KLHL3: variants seen among roughly 807,000 people sequenced by gnomAD.
The protein encoded by KLHL3 is kelch-like protein 3.
In KLHL3, 19 loss-of-function variants were observed where a neutral mutation model predicts 70.5. That is an observed-to-expected ratio of 0.27 (90% CI 0.19 to 0.40). The LOEUF is 0.40. KLHL3 is among the 10% of genes least tolerant of loss of function. KLHL3 has a pLI of 1.00. For missense variants in KLHL3, 512 were observed against 771.1 expected (o/e 0.66, Z 3.98); for synonymous variants, 258 against 290.3 (o/e 0.89, Z 1.13).
chr5:137,677,292 C>CA (rs1751907310), intron 6 of KLHL3: 3 of 294,132 alleles, frequency 1.0e-5, no homozygotes, highest in Non-Finnish European at 1.9e-5. Flanking sequence ...ACTGAAAATA[C>CA]AAAAAATTAG....
At chr5:137,726,691 A>G (rs971213026) in intron 1 of KLHL3, among the ~76,000 whole-genome samples, 2 of 152,102 alleles carry the variant, frequency 1.3e-5, no homozygotes, top group Non-Finnish European at 2.9e-5. Context: ...GGCAAGGAAC[A>G]TGTGTCTGAG....
Position 137,694,980 on chromosome 5 carries a change from G to A in KLHL3, c.364-2533C>T, listed in dbSNP as rs1172217715. On this transcript the variant is annotated intron_variant, in intron 4 of 14. Transcript: ENST00000309755. ...CCACCCACCATCCAAGAGGATTTCT[G>A]AGAGTCCAATCTGCCCTCAGACTGC... Among the ~76,000 whole-genome samples, 6 of 152,060 alleles carry A rather than the reference G, an allele frequency of 3.9e-5. No individual in the cohort carries two copies. In the South Asian group the frequency reaches 1.2e-3, roughly 32 times the overall value.
In KLHL3 at chr5:137,618,232, C is replaced by T. The variant is rs1756280158; in HGVS notation, c.*3866G>A. 1 of 152,584 alleles carries T rather than the reference C, an allele frequency of 6.6e-6. No individual in the cohort carries two copies. Among genetic ancestry groups the T allele is most frequent in the Non-Finnish European group, 1.5e-5 (1 of 68,038 alleles). The allele number at this position is 152,584 out of a possible 1,614,324, so 9.5% of individuals were successfully genotyped here. A position where few individuals can be genotyped will look rare whatever the true frequency, so the allele number is the denominator to read the frequency against. ...TCCAGGCAAACAGAGCCTTTAAAAA[C>T]TCCAACTAACTGGAATATGAGTTTG... On this transcript the variant is annotated 3_prime_UTR_variant, in exon 15 of 15. Transcript: ENST00000309755.
At chr5:137,649,741 T>C (rs962862161) in intron 8 of KLHL3, among the ~76,000 whole-genome samples, 12 of 152,252 alleles carry the variant, frequency 7.9e-5, no homozygotes, top group Non-Finnish European at 5.9e-5. Context: ...GAAAATCCTA[T>C]GAGATAACAA....
intron 4 of KLHL3, among the ~76,000 whole-genome samples, chr5:137,696,053 T>C (rs1411525727): frequency 6.6e-6 from 1 of 152,208 alleles, no homozygotes; most frequent in African/African-American, 2.4e-5. Flanking sequence ...CCCTCCATTT[T>C]TCATGTGCAG....
chr5:137,692,226 AG>A, intron 5 of KLHL3, 58 bp downstream of exon 5: 1 of 1,481,458 alleles, frequency 6.8e-7, no homozygotes, highest in East Asian at 2.4e-5. Flanking sequence ...AGTCTGCAGA[AG>A]ACCAGGTGAT....
intron 8 of KLHL3, among the ~76,000 whole-genome samples, chr5:137,656,284 T>C (rs1392158060): frequency 6.6e-6 from 1 of 151,938 alleles, no homozygotes; most frequent in Non-Finnish European, 1.5e-5. Context: ...AGTGCATAAA[T>C]ACAATTAAAC....
chr5:137,665,851 A>G (rs1751600526), intron 6 of KLHL3, among the ~76,000 whole-genome samples: 1 of 152,116 alleles, frequency 6.6e-6, no homozygotes, highest in Non-Finnish European at 1.5e-5. Flanking sequence ...CAAGGAAAGG[A>G]AAGGGAAGGG....
At chr5:137,656,794 G>A (rs553638457) in intron 8 of KLHL3, among the ~76,000 whole-genome samples, 2 of 152,356 alleles carry the variant, frequency 1.3e-5, no homozygotes, top group South Asian at 2.1e-4. Flanking sequence ...GAAGCCAGGT[G>A]CAGGATGGTA....
intron 14 of KLHL3, 67 bp downstream of exon 14, chr5:137,625,686 A>AC: frequency 1.9e-6 from 3 of 1,586,278 alleles, no homozygotes; most frequent in South Asian, 2.2e-5. Context: ...CCACTGGCCC[A>AC]CCCAACCCTC....
At chr5:137,717,308 C>G (rs1752912656) in intron 2 of KLHL3, among the ~76,000 whole-genome samples, 1 of 152,216 alleles carries the variant, frequency 6.6e-6, no homozygotes, top group African/African-American at 2.4e-5. Flanking sequence ...TCTGTAAGTT[C>G]TATACATTGA....
chr5:137,640,033 A>G, intron 8 of KLHL3, 56 bp from the exon 9 acceptor site: 1 of 1,431,512 alleles, frequency 7.0e-7, no homozygotes, highest in South Asian at 1.1e-5. Flanking sequence ...GATTTATGGT[A>G]TCCCTGGTAC....
rs555273321 is a variant in KLHL3, at chr5:137,621,089, G to A, written c.*1009C>T. The stretch of plus-strand genomic sequence containing the variant: ...GACCAGAACACTTCTGAGTAAAATG[G>A]GGTGCTGTGAATAATTAAACTGGGA... On this transcript the variant is annotated 3_prime_UTR_variant, in exon 15 of 15. Coordinates refer to ENST00000309755, the MANE Select transcript of KLHL3 (RefSeq NM_017415.3). The A allele has an allele frequency of 2.0e-5, 3 of 152,706 alleles. No homozygotes were observed. Among genetic ancestry groups the A allele is most frequent in the Admixed American group, 6.5e-5 (1 of 15,310 alleles). The allele number at this position is 152,706 out of a possible 1,614,324, so 9.5% of individuals were successfully genotyped here.
intron 13 of KLHL3, 113 bp from the exon 14 acceptor site, chr5:137,626,009 C>T (rs1330082442): frequency 7.8e-7 from 1 of 1,290,196 alleles, no homozygotes; most frequent in Non-Finnish European, 1.1e-6. Flanking sequence ...CCCTTCATGG[C>T]AATACAACAG....
intron 7 of KLHL3, among the ~76,000 whole-genome samples, chr5:137,660,312 G>A (rs1326941903): frequency 6.6e-6 from 1 of 152,098 alleles, no homozygotes; most frequent in East Asian, 1.9e-4. Flanking sequence ...CGGTCTCTAA[G>A]GCCACTTTAG....
intron 8 of KLHL3, among the ~76,000 whole-genome samples, chr5:137,641,779 G>A (rs1750919328): frequency 6.6e-6 from 1 of 152,058 alleles, no homozygotes; most frequent in African/African-American, 2.4e-5. Context: ...CACCAAAAGT[G>A]GGTAACCAGT....
Position 137,735,797 on chromosome 5 carries a change from ATCC to A in KLHL3, c.-154_-152del. On this transcript the variant is annotated 5_prime_UTR_variant, in exon 1 of 15. Coordinates refer to ENST00000309755, the MANE Select transcript of KLHL3 (RefSeq NM_017415.3). ...GCAAGTGAAGCCTCCTCCCTTCTCA[ATCC>A]TCCTTCCTCTGACTTACTCGCAGCA... 9.8e-7 allele frequency: 1 copy of A among 1,020,586 alleles called. No individual in the cohort carries two copies. Among genetic ancestry groups the A allele is most frequent in the Non-Finnish European group, 1.5e-6 (1 of 650,756 alleles). The allele number at this position is 1,020,586 out of a possible 1,614,324, so 63.2% of individuals were successfully genotyped here.
intron 5 of KLHL3, among the ~76,000 whole-genome samples, chr5:137,683,820 A>G (rs1158646403): frequency 1.3e-5 from 2 of 151,960 alleles, no homozygotes; most frequent in Non-Finnish European, 2.9e-5. Flanking sequence ...ACACACACAC[A>G]CATACACACA....
intron 1 of KLHL3, among the ~76,000 whole-genome samples, chr5:137,722,267 G>A (rs1213251174): frequency 6.6e-6 from 1 of 152,180 alleles, no homozygotes; most frequent in African/African-American, 2.4e-5. Flanking sequence ...CAGCGTGGCA[G>A]ACCCACAGCT....
Sources: gnomAD v4.1 joint callset for allele counts (sites outside exome capture counted in the v4.1 genomes callset) on GRCh38, gnomAD v4.1.1 for gene constraint, MANE v1.5 for transcripts, NCBI Gene and HGNC (gene_info 2026-07-23, HGNC 2026-07-21) for gene names.